BCAS3: variants seen among roughly 807,000 people sequenced by gnomAD.
The protein encoded by BCAS3 is BCAS4/BCAS3 fusion.
A neutral mutation model predicts 116.1 loss-of-function variants in BCAS3; 53 were observed. The ratio of observed to expected loss-of-function variants is 0.46; its 90% confidence interval spans 0.37 to 0.57. The LOEUF (loss-of-function observed/expected upper bound fraction) is 0.57. Ranked by LOEUF, BCAS3 falls within the 20% of genes least tolerant of loss-of-function variation. The pLI, the probability that BCAS3 is intolerant of heterozygous loss-of-function variation, is 0.00. For synonymous variants in BCAS3, 391 were observed against 408.2 expected, an observed-to-expected ratio of 0.96 and a Z score of 0.51; for missense variants, 917 against 1,165.4, an observed-to-expected ratio of 0.79 and a Z score of 3.10.
intron 22 of BCAS3, among the ~76,000 whole-genome samples, chr17:61,231,215 G>T (rs1302145831): frequency 6.6e-6 from 1 of 151,934 alleles, no homozygotes; most frequent in Non-Finnish European, 1.5e-5. Flanking sequence ...TGTGTTTGTT[G>T]GTTGCTTGTA....
At chr17:60,720,659 T>C (rs939240667) in intron 5 of BCAS3, among the ~76,000 whole-genome samples, 1 of 152,194 alleles carries the variant, frequency 6.6e-6, no homozygotes, top group Non-Finnish European at 1.5e-5. Context: ...AAAATGACAG[T>C]ATAGCTATTT....
Position 60,892,814 on chromosome 17 carries a change from C to T in BCAS3, c.738+3043C>T, listed in dbSNP as rs528613547. Reference sequence around the variant, plus strand: ...GTGGGCGCCTGTAGTCCCAGCTACTCGGGAGGCTGAGGCAGGAGAATCACT... The same window carrying T: ...GTGGGCGCCTGTAGTCCCAGCTACTTGGGAGGCTGAGGCAGGAGAATCACT... On this transcript the variant is annotated intron_variant, in intron 10 of 23. Transcript: ENST00000407086. Among the ~76,000 whole-genome samples, 167 of 151,788 alleles carry T rather than the reference C, an allele frequency of 1.1e-3. 1 individual carries two copies. Among genetic ancestry groups the T allele is most frequent in the Non-Finnish European group, 1.8e-3 (120 of 67,888 alleles).
Position 61,285,528 on chromosome 17 carries a change from C to T in BCAS3, c.2426-82799C>T, listed in dbSNP as rs1241493643. ...TGACGCAGTGAAAATGTTTACTCCTCTAATTAAGCAGAATTAAGGTCTGGG... is the reference window on the plus strand; with the variant it reads ...TGACGCAGTGAAAATGTTTACTCCTTTAATTAAGCAGAATTAAGGTCTGGG... On this transcript the variant is annotated intron_variant, in intron 22 of 23. Coordinates refer to ENST00000407086, the MANE Select transcript of BCAS3 (RefSeq NM_017679.5). The surrounding 1 kb of genome is among the most constrained non-coding windows in gnomAD (Gnocchi z 5.4). 1.3e-5 allele frequency among the ~76,000 whole-genome samples: 2 copies of T among 152,174 alleles called. No individual in the cohort carries two copies. Among genetic ancestry groups the T allele is most frequent in the African/African-American group, 4.8e-5 (2 of 41,440 alleles).
intron 22 of BCAS3, among the ~76,000 whole-genome samples, chr17:61,177,609 C>G (rs1792704227): frequency 6.6e-6 from 1 of 152,170 alleles, no homozygotes; most frequent in African/African-American, 2.4e-5. Context: ...GATCACTACA[C>G]TATGTTCATT....
chr17:61,125,223 C>T (rs1018357965), intron 22 of BCAS3, among the ~76,000 whole-genome samples: 11 of 152,124 alleles, frequency 7.2e-5, no homozygotes, highest in Non-Finnish European at 1.5e-4. Context: ...CTGGTTTGGG[C>T]AGAGCTACTC....
intron 5 of BCAS3, among the ~76,000 whole-genome samples, chr17:60,716,065 G>C (rs181392224): frequency 1.3e-5 from 2 of 151,698 alleles, no homozygotes; most frequent in East Asian, 3.9e-4. Flanking sequence ...GTTTCACCAT[G>C]TTGGTCAAGC....
At chr17:61,147,396 T>G (rs2077285235) in intron 22 of BCAS3, among the ~76,000 whole-genome samples, 1 of 151,692 alleles carries the variant, frequency 6.6e-6, no homozygotes, top group Non-Finnish European at 1.5e-5. Context: ...AATTTTTGGT[T>G]TTGGTTTTGT....
chr17:61,047,560 C>A (rs962917726), intron 19 of BCAS3, among the ~76,000 whole-genome samples: 1 of 151,948 alleles, frequency 6.6e-6, no homozygotes, highest in Non-Finnish European at 1.5e-5. Context: ...TTAGTGATTT[C>A]TGTGTTAGCA....
rs557497324 is a variant in BCAS3, at chr17:61,295,724, G to A, written c.2426-72603G>A. On this transcript the variant is annotated intron_variant, in intron 22 of 23. Transcript: ENST00000407086. Reference sequence around the variant, plus strand: ...TCCCAGCACTTTGGGAGGCCGAGGCGGGTGGATCACGAGGTCAGGAGTTCA... The same window carrying A: ...TCCCAGCACTTTGGGAGGCCGAGGCAGGTGGATCACGAGGTCAGGAGTTCA... 1.8e-3 allele frequency among the ~76,000 whole-genome samples: 276 copies of A among 151,894 alleles called. 2 individuals carry two copies. Among genetic ancestry groups the A allele is most frequent in the African/African-American group, 6.5e-3 (271 of 41,418 alleles).
intron 6 of BCAS3, among the ~76,000 whole-genome samples, chr17:60,761,065 T>C (rs1229884689): frequency 6.6e-6 from 1 of 152,120 alleles, no homozygotes; most frequent in Non-Finnish European, 1.5e-5. Context: ...TGTTTTGTTC[T>C]TTTTAAAAAT....
intron 22 of BCAS3, among the ~76,000 whole-genome samples, chr17:61,340,984 G>T (rs1270836557): frequency 6.6e-6 from 1 of 152,200 alleles, no homozygotes; most frequent in African/African-American, 2.4e-5. Context: ...TGGCAGAGGG[G>T]ATGGAGAAGG....
intron 14 of BCAS3, among the ~76,000 whole-genome samples, chr17:60,980,847 A>T (rs2062766556): frequency 6.6e-6 from 1 of 151,326 alleles, no homozygotes; most frequent in Non-Finnish European, 1.5e-5. Flanking sequence ...TTATTTATTT[A>T]TTTATTTATT....
In BCAS3 at chr17:61,348,671, C is replaced by T. The variant is rs1465237280; in HGVS notation, c.2426-19656C>T. ...TGCTTTATAGAGTCTGGGTTGCCCA[C>T]AAGGGACCACATCATTGTACCTAAG... On this transcript the variant is annotated intron_variant, in intron 22 of 23. Transcript: ENST00000407086. The surrounding 1 kb of genome is among the most constrained non-coding windows in gnomAD (Gnocchi z 4.5). Among the ~76,000 whole-genome samples the T allele has an allele frequency of 2.0e-5, 3 of 151,678 alleles. No homozygotes were observed. The highest frequency in any genetic ancestry group is 2.0e-4 in the Admixed American group (3 of 15,222).
chr17:61,087,411 T>C lies in BCAS3; in HGVS notation c.2425+2847T>C, dbSNP rs2073175129. 1 of 159,298 alleles carries C rather than the reference T, an allele frequency of 6.3e-6. No individual in the cohort carries two copies. 9.9% of individuals were successfully genotyped at this position (159,298 alleles called of 1,614,324 possible). On this transcript the variant is annotated intron_variant, in intron 22 of 23. Transcript: ENST00000407086. This position sits in a 1 kb window ranked among gnomAD's most constrained non-coding sequence, Gnocchi z 4.6. ...AACCTTGTGGCAGTATAATTGTTTT[T>C]CATATAATTACTTTATTCACAGATA...
chr17:60,888,437 A>T (rs1320240264), intron 9 of BCAS3, among the ~76,000 whole-genome samples: 1 of 152,144 alleles, frequency 6.6e-6, no homozygotes, highest in Non-Finnish European at 1.5e-5. Flanking sequence ...TTTCTTATAG[A>T]TCATATTTAT....
intron 6 of BCAS3, among the ~76,000 whole-genome samples, chr17:60,768,753 A>G (rs8068324): frequency 0.27 from 41,715 of 152,090 alleles, 11,438 homozygotes; most frequent in African/African-American, 0.71. Flanking sequence ...TGGTGGCAGT[A>G]ATAGGCTGAT....
chr17:60,780,957 T>C (rs1248496681), intron 6 of BCAS3, among the ~76,000 whole-genome samples: 2 of 152,100 alleles, frequency 1.3e-5, no homozygotes, highest in East Asian at 1.9e-4. Flanking sequence ...TTCTGTTTTA[T>C]TTTTTGTCTT....
chr17:61,072,817 C>T (rs1021632047), intron 19 of BCAS3, among the ~76,000 whole-genome samples: 3 of 152,162 alleles, frequency 2.0e-5, no homozygotes, highest in African/African-American at 7.2e-5. Context: ...GTTACTTATT[C>T]CCTTTATGTT....
chr17:60,932,280 C>T (rs2059687783), intron 13 of BCAS3, among the ~76,000 whole-genome samples: 2 of 152,066 alleles, frequency 1.3e-5, no homozygotes, highest in Admixed American at 6.5e-5. Flanking sequence ...CTTTCACATA[C>T]TTGATACTGA....
Sources: gnomAD v4.1 joint callset for allele counts (sites outside exome capture counted in the v4.1 genomes callset) on GRCh38, gnomAD v4.1.1 for gene constraint, Gnocchi (gnomAD v3.1) non-coding constraint, MANE v1.5 for transcripts, NCBI Gene and HGNC (gene_info 2026-07-23, HGNC 2026-07-21) for gene names.